Variants in METTL15 observed in about 807,000 individuals in gnomAD.
The protein encoded by METTL15 is methyltransferase 15, mitochondrial 12S rRNA N4-cytidine.
METTL15 carries 34 observed loss-of-function variants against 38.3 expected under a neutral mutation model. The observed-to-expected ratio is 0.89, with a 90% CI of 0.68 to 1.18. METTL15 has a LOEUF of 1.18. METTL15 is among the 50% of genes most tolerant of loss of function. The pLI is 0.00. For synonymous variants in METTL15, 162 were observed against 170.9 expected, an observed-to-expected ratio of 0.95 and a Z score of 0.41; for missense variants, 438 against 498.4, an observed-to-expected ratio of 0.88 and a Z score of 1.15.
intron 4 of METTL15, among the ~76,000 whole-genome samples, chr11:28,214,092 G>A (rs1852762646): frequency 6.6e-6 from 1 of 152,058 alleles, no homozygotes; most frequent in Non-Finnish European, 1.5e-5. Context: ...GCCCAGGCTG[G>A]AGTGCAGTGA....
intron 3 of METTL15, among the ~76,000 whole-genome samples, chr11:28,342,456 T>TAGAA: frequency 1.3e-5 from 2 of 148,170 alleles, no homozygotes; most frequent in Middle Eastern, 6.9e-3. Flanking sequence ...AGGGACAGGG[T>TAGAA]TTCTCTATGT....
chr11:28,300,687 A>G (rs1429440007), intron 6 of METTL15, among the ~76,000 whole-genome samples: 2 of 152,176 alleles, frequency 1.3e-5, no homozygotes, highest in African/African-American at 2.4e-5. Context: ...ACACATGTTC[A>G]TACATATGCT....
At chr11:28,511,359 G>A (rs898295787) in intron 6 of METTL15, among the ~76,000 whole-genome samples, 1 of 152,174 alleles carries the variant, frequency 6.6e-6, no homozygotes. Flanking sequence ...TATAATGTAA[G>A]CTAGATAAAA....
rs1849864470 is a variant in METTL15, at chr11:28,333,217, G to T, written c.*2376G>T. ...ATCCTAGGAAGCTAATACTCTGACA[G>T]AAAAAAATCTTGGATAATATGCATG... On this transcript the variant is annotated 3_prime_UTR_variant, in exon 7 of 7. Transcript: ENST00000407364. 1.3e-5 allele frequency: 2 copies of T among 151,792 alleles called. No homozygotes were observed. The highest frequency in any genetic ancestry group is 4.2e-4 in the South Asian group (2 of 4,810). 9.4% of individuals were successfully genotyped at this position (151,792 alleles called of 1,614,324 possible). A position where few individuals can be genotyped will look rare whatever the true frequency, so the allele number is the denominator to read the frequency against.
At chr11:28,455,214 A>G (rs1447268474) in intron 6 of METTL15, among the ~76,000 whole-genome samples, 2 of 127,498 alleles carry the variant, frequency 1.6e-5, no homozygotes, top group Non-Finnish European at 3.2e-5. Flanking sequence ...GGGATCAGCT[A>G]GCTTTTTTTT....
chr11:28,304,048 A>G (rs1856997224), intron 6 of METTL15, among the ~76,000 whole-genome samples: 1 of 152,166 alleles, frequency 6.6e-6, no homozygotes, highest in Admixed American at 6.6e-5. Context: ...TGTGAAATTT[A>G]AAGTGCAAAT....
At chr11:28,174,932 CTTTATT>C (rs1383916110) in intron 3 of METTL15, among the ~76,000 whole-genome samples, 1 of 135,472 alleles carries the variant, frequency 7.4e-6, no homozygotes, top group Non-Finnish European at 1.6e-5. Flanking sequence ...TTTAAATTTA[CTTTATT>C]TTTATTTTAT....
chr11:28,387,136 A>G (rs553613376), intron 5 of METTL15, among the ~76,000 whole-genome samples: 273 of 152,114 alleles, frequency 1.8e-3, no homozygotes, highest in Non-Finnish European at 3.2e-3. Context: ...ACTTAATTTT[A>G]TGCCTCAGAG....
At chr11:28,345,303 C>G (rs895116473) in intron 3 of METTL15, among the ~76,000 whole-genome samples, 5 of 152,152 alleles carry the variant, frequency 3.3e-5, no homozygotes, top group Non-Finnish European at 5.9e-5. Context: ...ATTCTTGTAT[C>G]TCAGCCTCCA....
At chr11:28,419,060 G>A (rs1406027405) in intron 5 of METTL15, among the ~76,000 whole-genome samples, 2 of 152,186 alleles carry the variant, frequency 1.3e-5, no homozygotes, top group Non-Finnish European at 2.9e-5. Flanking sequence ...GGGAGCATGC[G>A]ACCTAGTGAG....
Position 28,435,415 on chromosome 11 carries a change from C to T in METTL15, c.*424+11051C>T, listed in dbSNP as rs1268720396. On this transcript the variant is annotated intron_variant and NMD_transcript_variant, in intron 6 of 7. Coordinates refer to the METTL15 transcript ENST00000532947. ...ATGGAAACTCTGAACTCTTTCTGGG[C>T]AGATGCTTTCCATTTACCCTACTCT... 2.0e-5 allele frequency among the ~76,000 whole-genome samples: 3 copies of T among 152,170 alleles called. No homozygotes were observed. In the East Asian group the frequency reaches 5.8e-4, roughly 29 times the overall value.
At chr11:28,293,851 T>G (rs1173811400) in intron 5 of METTL15, among the ~76,000 whole-genome samples, 1 of 152,148 alleles carries the variant, frequency 6.6e-6, no homozygotes, top group Admixed American at 6.6e-5. Flanking sequence ...GATTTGGCTC[T>G]CTGTTTGTCT....
chr11:28,162,140 C>T (rs942930722), intron 3 of METTL15, among the ~76,000 whole-genome samples: 5 of 152,072 alleles, frequency 3.3e-5, no homozygotes, highest in South Asian at 4.1e-4. Context: ...CACACCAAGA[C>T]GTTGCCATAG....
chr11:28,202,005 T>C (rs1437927599), intron 3 of METTL15, among the ~76,000 whole-genome samples: 1 of 152,144 alleles, frequency 6.6e-6, no homozygotes, highest in East Asian at 1.9e-4. Context: ...TATTACCCAT[T>C]ATGCCTAGAA....
intron 5 of METTL15, among the ~76,000 whole-genome samples, chr11:28,413,049 A>G (rs1189355062): frequency 6.6e-6 from 1 of 152,088 alleles, no homozygotes; most frequent in East Asian, 1.9e-4. Flanking sequence ...TCAACTATAC[A>G]CAATAAAATT....
At chr11:28,162,824 CAG>C (rs946861396) in intron 3 of METTL15, among the ~76,000 whole-genome samples, 7 of 151,960 alleles carry the variant, frequency 4.6e-5, no homozygotes, top group Admixed American at 1.3e-4. Context: ...GAGTGAAAAA[CAG>C]AACGTTTGTC....
Position 28,351,411 on chromosome 11 carries a change from G to C in METTL15, c.*190-679G>C, listed in dbSNP as rs139310050. On this transcript the variant is annotated intron_variant and NMD_transcript_variant, in intron 3 of 7. Transcript: ENST00000532947. ...GATTATAGGCGTGAGCCACTGCACC[G>C]GGCCCAAAGCTATGAATTCAGAAAC... 1.3e-3 allele frequency among the ~76,000 whole-genome samples: 192 copies of C among 152,148 alleles called. 1 individual carries two copies. Among genetic ancestry groups the C allele is most frequent in the African/African-American group, 4.4e-3 (184 of 41,524 alleles).
intron 4 of METTL15, 95 bp downstream of exon 4, chr11:28,211,293 A>G (rs1852631417): frequency 1.8e-6 from 2 of 1,105,418 alleles, no homozygotes; most frequent in Admixed American, 2.8e-5. Flanking sequence ...TGCATGGGCT[A>G]TATTTTACTC....
At chr11:28,204,498 C>T (rs1852239302) in intron 3 of METTL15, among the ~76,000 whole-genome samples, 1 of 129,514 alleles carries the variant, frequency 7.7e-6, no homozygotes, top group South Asian at 2.4e-4. Context: ...CTAATTCCCT[C>T]ACGGAGCATT....
Sources: allele counts gnomAD v4.1 joint callset (sites outside exome capture counted in the v4.1 genomes callset), GRCh38; gene constraint gnomAD v4.1.1; transcripts MANE v1.5; gene names NCBI Gene and HGNC (gene_info 2026-07-23, HGNC 2026-07-21).